The following SLC38A6 variants were observed in gnomAD, a reference collection of about 807,000 sequenced individuals.
SLC38A6 encodes the protein N system amino acid transporter NAT-1.
In SLC38A6, 73 loss-of-function variants were observed where a neutral mutation model predicts 65.0. The observed-to-expected ratio is 1.12, with a 90% confidence interval of 0.93 to 1.37. SLC38A6 has a LOEUF of 1.37. Among genes scored for constraint, SLC38A6 ranks in the 40% most tolerant of loss-of-function variants. SLC38A6 has a pLI of 0.00. For synonymous variants in SLC38A6, 183 were observed against 178.8 expected, an observed-to-expected ratio of 1.02 and a Z score of -0.19; for missense variants, 561 against 531.1, an observed-to-expected ratio of 1.06 and a Z score of -0.55.
intron 3 of SLC38A6, among the ~76,000 whole-genome samples, chr14:60,993,755 A>AT (rs958858271): frequency 1.2e-4 from 18 of 152,324 alleles, no homozygotes; most frequent in Admixed American, 2.0e-4. Context: ...CAGAGCTTGT[A>AT]TTTAGTCTTT....
chr14:61,010,221 A>T (rs1239470660), intron 3 of SLC38A6, among the ~76,000 whole-genome samples: 1 of 151,742 alleles, frequency 6.6e-6, no homozygotes, highest in Non-Finnish European at 1.5e-5. Context: ...CCACTTGTTG[A>T]TGCGGTTGTT....
At chr14:60,984,856 T>C (rs2037336674) in intron 3 of SLC38A6, 53 bp downstream of exon 3, 4 of 1,493,920 alleles carry the variant, frequency 2.7e-6, no homozygotes, top group Non-Finnish European at 3.7e-6. Flanking sequence ...CTTGAGTTTG[T>C]ATCTACATAT....
At chr14:61,002,175 C>G (rs2038755858) in intron 3 of SLC38A6, 1 of 152,130 alleles carries the variant, frequency 6.6e-6, no homozygotes, top group South Asian at 2.1e-4. Flanking sequence ...AAGAATGTTC[C>G]TAGTATTCTA....
chr14:61,065,399 G>T (rs1374312639), intron 15 of SLC38A6, among the ~76,000 whole-genome samples: 1 of 152,172 alleles, frequency 6.6e-6, no homozygotes, highest in Admixed American at 6.5e-5. Flanking sequence ...ATTTTCCGGT[G>T]AACTTTGTAT....
At chr14:61,054,649 T>C (rs187798359), downstream of SLC38A6, among the ~76,000 whole-genome samples, 1 of 152,224 alleles carries the variant, frequency 6.6e-6, no homozygotes, top group African/African-American at 2.4e-5. Context: ...GTGAATGGGA[T>C]TGTCTGATTT....
intron 3 of SLC38A6, among the ~76,000 whole-genome samples, chr14:61,001,792 G>A (rs568860452): frequency 3.3e-5 from 5 of 151,956 alleles, no homozygotes; most frequent in Non-Finnish European, 5.9e-5. Context: ...GTTTATATTC[G>A]ATTGTCCTTT....
chr14:61,041,323 G>C (rs1393064079), intron 8 of SLC38A6, among the ~76,000 whole-genome samples: 1 of 152,148 alleles, frequency 6.6e-6, no homozygotes, highest in Non-Finnish European at 1.5e-5. Context: ...TACAGGCTTG[G>C]AGTTGGGATG....
At chr14:61,063,483 G>A (rs923670712) in intron 15 of SLC38A6, among the ~76,000 whole-genome samples, 7 of 152,094 alleles carry the variant, frequency 4.6e-5, no homozygotes, top group African/African-American at 1.7e-4. Context: ...CTTATTTCAG[G>A]TTAGGAACCA....
intron 15 of SLC38A6, among the ~76,000 whole-genome samples, chr14:61,074,744 T>G (rs549285377): frequency 4.9e-4 from 67 of 135,780 alleles, no homozygotes; most frequent in African/African-American, 1.4e-3. Context: ...TTTCTTTCTT[T>G]CTTCTTTCAC....
intron 15 of SLC38A6, among the ~76,000 whole-genome samples, chr14:61,075,547 G>C (rs1245375832): frequency 6.6e-6 from 1 of 152,042 alleles, no homozygotes; most frequent in Non-Finnish European, 1.5e-5. Flanking sequence ...GCAATATATT[G>C]TCATTTCATT....
chr14:60,986,086 G>A (rs1233746974), intron 3 of SLC38A6, among the ~76,000 whole-genome samples: 1 of 152,230 alleles, frequency 6.6e-6, no homozygotes, highest in African/African-American at 2.4e-5. Context: ...GAGATTTGGA[G>A]GGGTCTGACA....
chr14:61,003,802 G>A (rs1321016744), intron 3 of SLC38A6, among the ~76,000 whole-genome samples: 1 of 152,262 alleles, frequency 6.6e-6, no homozygotes, highest in African/African-American at 2.4e-5. Flanking sequence ...GAATGGAAAA[G>A]TGCTTCTAAT....
chr14:61,045,997 T>C, intron 11 of SLC38A6, 70 bp from the exon 12 acceptor site: 2 of 905,558 alleles, frequency 2.2e-6, no homozygotes, highest in Non-Finnish European at 3.5e-6. Context: ...CTCGACCAGC[T>C]TAGGACATAC....
chr14:60,994,254 T>C (rs1345884962), intron 3 of SLC38A6, among the ~76,000 whole-genome samples: 1 of 152,126 alleles, frequency 6.6e-6, no homozygotes, highest in East Asian at 1.9e-4. Flanking sequence ...CAGCACTAAG[T>C]AGAAATGAGG....
At chr14:61,008,869 A>G (rs568380304) in intron 3 of SLC38A6, among the ~76,000 whole-genome samples, 1 of 152,316 alleles carries the variant, frequency 6.6e-6, no homozygotes, top group East Asian at 1.9e-4. Flanking sequence ...CTTTATTTAC[A>G]TATCCAGTTT....
At chr14:60,985,752 T>C (rs1008778566) in intron 3 of SLC38A6, among the ~76,000 whole-genome samples, 1 of 152,214 alleles carries the variant, frequency 6.6e-6, no homozygotes, top group African/African-American at 2.4e-5. Flanking sequence ...CTCATAGTTC[T>C]ACAGGCTCTG....
intron 16 of SLC38A6, chr14:61,083,524 T>A (rs912968372): frequency 5.2e-6 from 8 of 1,544,922 alleles, no homozygotes; most frequent in Non-Finnish European, 7.0e-6. Flanking sequence ...TAAGCCCTAA[T>A]TCAATGTGAC....
At position 61,019,592 on chromosome 14, in the gene SLC38A6, C is replaced by G; in HGVS notation, c.403+12C>G. 6.2e-7 allele frequency: 1 copy of G among 1,611,988 alleles called. No homozygotes were observed. Among genetic ancestry groups the G allele is most frequent in the Non-Finnish European group, 8.5e-7 (1 of 1,178,264 alleles). ...TCAGAATATTGGAGGTAAGCAATTG[C>G]AAGTGCACTGTTTATACATAAATGT... On this transcript the variant is annotated intron_variant, in intron 5 of 15. Transcript: ENST00000267488.
Position 61,043,830 on chromosome 14 carries a change from G to GC in SLC38A6, c.744+330dup, listed in dbSNP as rs149836117. ...CCTCTGTGTATACCAACTTCCTGTT[G>GC]CCCTCTGCACTTGTAAAGCTAAATA... On this transcript the variant is annotated intron_variant, in intron 10 of 15. Coordinates refer to ENST00000267488, the MANE Select transcript of SLC38A6 (RefSeq NM_153811.3). Among the ~76,000 whole-genome samples the GC allele has an allele frequency of 4.1e-3, 623 of 150,904 alleles. 20 individuals carry two copies. In the East Asian group the frequency reaches 0.091, roughly 22 times the overall value.
Sources: gnomAD v4.1 joint callset for allele counts (sites outside exome capture counted in the v4.1 genomes callset) on GRCh38, gnomAD v4.1.1 for gene constraint, MANE v1.5 for transcripts, NCBI Gene and HGNC (gene_info 2026-07-23, HGNC 2026-07-21) for gene names.